Variants in TMEM132D observed in about 807,000 individuals in gnomAD.
TMEM132D encodes the protein transmembrane protein 132D.
In TMEM132D, 21 loss-of-function variants were observed where a neutral mutation model predicts 62.3. That is an observed-to-expected ratio of 0.34 (90% CI 0.24 to 0.49). The LOEUF is 0.49. TMEM132D is among the 20% of genes least tolerant of loss of function. The probability of loss-of-function intolerance (pLI) is 0.99; values close to 1 mark genes in which losing one functional copy is unlikely to be tolerated. For missense variants in TMEM132D, 1,346 were observed against 1,402.8 expected (o/e 0.96, Z 0.65); for synonymous variants, 621 against 575.6 (o/e 1.08, Z -1.13).
chr12:129,136,774 CCATCACCAT>C (rs1432778963), intron 5 of TMEM132D, among the ~76,000 whole-genome samples: 2 of 108,302 alleles, frequency 1.8e-5, no homozygotes, highest in Admixed American at 1.9e-4. Context: ...ACCATCATCA[CCATCACCAT>C]CATCACCATC....
chr12:129,556,492 T>A (rs900410830), intron 2 of TMEM132D, among the ~76,000 whole-genome samples: 1 of 151,800 alleles, frequency 6.6e-6, no homozygotes, highest in African/African-American at 2.4e-5. Flanking sequence ...AGAGGTGTTT[T>A]AGTGAGAAGC....
At chr12:129,706,826 A>C in intron 1 of TMEM132D, among the ~76,000 whole-genome samples, 1 of 151,892 alleles carries the variant, frequency 6.6e-6, no homozygotes, top group Admixed American at 6.6e-5. Flanking sequence ...AATAAGAGAA[A>C]CCCAACTACT....
intron 2 of TMEM132D, among the ~76,000 whole-genome samples, chr12:129,606,289 CCA>C (rs1878623365): frequency 6.6e-6 from 1 of 152,224 alleles, no homozygotes; most frequent in South Asian, 2.1e-4. Context: ...TCGAGCCGGT[CCA>C]CAGACTCCAC....
intron 1 of TMEM132D, among the ~76,000 whole-genome samples, chr12:129,780,884 G>A (rs1380225204): frequency 6.6e-6 from 1 of 152,152 alleles, no homozygotes; most frequent in East Asian, 1.9e-4. Context: ...GATTAACACG[G>A]AACTTAGCAG....
intron 2 of TMEM132D, among the ~76,000 whole-genome samples, chr12:129,602,796 A>T (rs555048162): frequency 6.6e-6 from 1 of 152,276 alleles, no homozygotes; most frequent in South Asian, 2.1e-4. Context: ...GACACACCCA[A>T]ACTGGGTAAT....
intron 5 of TMEM132D, among the ~76,000 whole-genome samples, chr12:129,131,375 G>A (rs1456439019): frequency 6.6e-6 from 1 of 152,216 alleles, no homozygotes; most frequent in African/African-American, 2.4e-5. Flanking sequence ...GGGAGGCCAA[G>A]GTGGGCGGAT....
chr12:129,541,522 G>A (rs1876581306), intron 2 of TMEM132D, among the ~76,000 whole-genome samples: 1 of 152,204 alleles, frequency 6.6e-6, no homozygotes, highest in Non-Finnish European at 1.5e-5. Flanking sequence ...TAAATTGGGA[G>A]GGGATGGCGA....
At chr12:129,218,852 C>T (rs1277193226) in intron 4 of TMEM132D, among the ~76,000 whole-genome samples, 2 of 152,152 alleles carry the variant, frequency 1.3e-5, no homozygotes, top group African/African-American at 2.4e-5. Flanking sequence ...GCGTAAGCAG[C>T]AGGAGACAGT....
intron 5 of TMEM132D, among the ~76,000 whole-genome samples, chr12:129,171,181 T>A (rs1294963358): frequency 6.6e-6 from 1 of 152,248 alleles, no homozygotes; most frequent in Non-Finnish European, 1.5e-5. Context: ...TCACAGTATC[T>A]TCCCCAGGAG....
intron 4 of TMEM132D, among the ~76,000 whole-genome samples, chr12:129,310,474 G>A (rs1299000374): frequency 2.0e-5 from 3 of 152,186 alleles, no homozygotes; most frequent in Non-Finnish European, 4.4e-5. Context: ...CTTGCAGAGA[G>A]AGAACCGGAA....
At chr12:129,890,246 G>C (rs1262526646) in intron 1 of TMEM132D, among the ~76,000 whole-genome samples, 1 of 152,206 alleles carries the variant, frequency 6.6e-6, no homozygotes, top group East Asian at 1.9e-4. Flanking sequence ...CTGGAACTTG[G>C]CGCAGGGCAG....
intron 1 of TMEM132D, among the ~76,000 whole-genome samples, chr12:129,871,397 CGAT>C (rs1400622664): frequency 6.6e-6 from 1 of 151,936 alleles, no homozygotes; most frequent in African/African-American, 2.4e-5. Context: ...GAGGGTGTCT[CGAT>C]GACATATTTC....
In TMEM132D at chr12:129,731,836, G is replaced by T. The variant is rs372322470; in HGVS notation, c.80-31138C>A. ...CGCCACCACGCCCGGCTAATTTTTT[G>T]TATTTTTAGTAGAGACAGGGTTTCA... is the stretch of plus-strand genomic sequence containing the variant. On this transcript the variant is annotated intron_variant, in intron 1 of 8. Coordinates refer to ENST00000422113, the MANE Select transcript of TMEM132D (RefSeq NM_133448.3). Among the ~76,000 whole-genome samples, 1,061 of 152,038 alleles carry T rather than the reference G, an allele frequency of 7.0e-3. 11 individuals are homozygous for T. Among genetic ancestry groups the T allele is most frequent in the African/African-American group, 0.025 (1,026 of 41,518 alleles).
At chr12:129,149,313 G>A (rs1288165062) in intron 5 of TMEM132D, among the ~76,000 whole-genome samples, 2 of 152,036 alleles carry the variant, frequency 1.3e-5, no homozygotes, top group Admixed American at 6.5e-5. Context: ...GTTGATAGGT[G>A]CAGCACACCA....
At chr12:129,170,734 A>G (rs1877697148) in intron 5 of TMEM132D, among the ~76,000 whole-genome samples, 1 of 152,032 alleles carries the variant, frequency 6.6e-6, no homozygotes, top group Non-Finnish European at 1.5e-5. Context: ...CTGAGGCAGG[A>G]GAATTGCTTG....
intron 4 of TMEM132D, among the ~76,000 whole-genome samples, chr12:129,261,546 C>A (rs59585351): frequency 6.6e-6 from 1 of 152,124 alleles, no homozygotes; most frequent in African/African-American, 2.4e-5. Context: ...GAGTCTTGGC[C>A]ATTTCTTTAC....
chr12:129,413,720 G>T (rs1296089877), intron 3 of TMEM132D, among the ~76,000 whole-genome samples: 1 of 152,174 alleles, frequency 6.6e-6, no homozygotes, highest in East Asian at 1.9e-4. Flanking sequence ...TGCAAAATGA[G>T]TAAGAAACTC....
At chr12:129,230,277 C>T (rs560474993) in intron 4 of TMEM132D, among the ~76,000 whole-genome samples, 1 of 151,138 alleles carries the variant, frequency 6.6e-6, no homozygotes, top group East Asian at 1.9e-4. Flanking sequence ...CCAGCCTAGC[C>T]ATCCCCTTCC....
At chr12:129,341,243 T>C (rs548867871) in intron 3 of TMEM132D, among the ~76,000 whole-genome samples, 1 of 152,378 alleles carries the variant, frequency 6.6e-6, no homozygotes, top group South Asian at 2.1e-4. Flanking sequence ...CATATTTATC[T>C]TGTTGCATTT....
Sources: gnomAD v4.1 joint callset for allele counts (sites outside exome capture counted in the v4.1 genomes callset) on GRCh38, gnomAD v4.1.1 for gene constraint, MANE v1.5 for transcripts, NCBI Gene and HGNC (gene_info 2026-07-23, HGNC 2026-07-21) for gene names.